Variants in LAMA2 observed in about 807,000 individuals in gnomAD.
LAMA2 encodes the protein laminin subunit alpha-2.
In LAMA2, 269 loss-of-function variants were observed where a neutral mutation model predicts 364.8. The ratio of observed to expected loss-of-function variants is 0.74; its 90% CI spans 0.67 to 0.82. LAMA2 has a LOEUF of 0.82. Ranked by LOEUF, LAMA2 falls within the 40% of genes least tolerant of loss-of-function variation. LAMA2 has a pLI of 0.00. For missense variants in LAMA2, 3,807 were observed against 3,873.2 expected (o/e 0.98, Z 0.45); for synonymous variants, 1,379 against 1,370.6 (o/e 1.01, Z -0.14).
chr6:129,156,524 T>C (rs67561065), intron 8 of LAMA2, among the ~76,000 whole-genome samples: 29,613 of 127,716 alleles, frequency 0.23, 3,651 homozygotes, highest in African/African-American at 0.43. Context: ...CCTTAATTTC[T>C]TTTTTTTTTT....
At chr6:129,368,708 A>T (rs1159789190) in intron 33 of LAMA2, among the ~76,000 whole-genome samples, 1 of 152,206 alleles carries the variant, frequency 6.6e-6, no homozygotes, top group Admixed American at 6.5e-5. Flanking sequence ...CTGGCTGGAT[A>T]TTGATCCAGA....
intron 20 of LAMA2, among the ~76,000 whole-genome samples, chr6:129,295,763 A>G (rs987761470): frequency 1.3e-5 from 2 of 149,786 alleles, no homozygotes; most frequent in Non-Finnish European, 3.0e-5. Context: ...GTGTGGATAT[A>G]TAGATGTAAA....
intron 10 of LAMA2, among the ~76,000 whole-genome samples, chr6:129,178,676 TAAAG>T (rs1780754795): frequency 6.6e-6 from 1 of 152,142 alleles, no homozygotes; most frequent in Admixed American, 6.5e-5. Context: ...TATTTTCAAT[TAAAG>T]AGGGACCCTT....
chr6:129,357,133 A>G (rs531292351), intron 32 of LAMA2, among the ~76,000 whole-genome samples: 2 of 152,218 alleles, frequency 1.3e-5, no homozygotes, highest in East Asian at 1.9e-4. Context: ...TAAAATGAGA[A>G]CAACTAACCT....
chr6:129,220,419 T>C (rs1335408306), intron 12 of LAMA2, among the ~76,000 whole-genome samples: 1 of 152,190 alleles, frequency 6.6e-6, no homozygotes, highest in Non-Finnish European at 1.5e-5. Context: ...AAGTGAGGAA[T>C]TAACTGCCTT....
intron 13 of LAMA2, among the ~76,000 whole-genome samples, 157 bp from the exon 14 acceptor site, chr6:129,251,927 T>G (rs1562380309): frequency 1.3e-5 from 2 of 151,924 alleles, no homozygotes; most frequent in Admixed American, 1.3e-4. Flanking sequence ...AGAGCGAGAC[T>G]CTGTCTCCAA....
At chr6:129,417,782 G>A (rs1461588505) in intron 40 of LAMA2, among the ~76,000 whole-genome samples, 3 of 152,166 alleles carry the variant, frequency 2.0e-5, no homozygotes, top group Non-Finnish European at 4.4e-5. Context: ...AAGATAGTAG[G>A]GGGCTAGAGT....
At chr6:128,978,999 A>G (rs1782697979) in intron 1 of LAMA2, among the ~76,000 whole-genome samples, 1 of 152,158 alleles carries the variant, frequency 6.6e-6, no homozygotes, top group Non-Finnish European at 1.5e-5. Flanking sequence ...TGAGGAAGGG[A>G]TCAGAGCATG....
intron 4 of LAMA2, among the ~76,000 whole-genome samples, chr6:129,104,368 T>C (rs967662701): frequency 6.6e-6 from 1 of 152,196 alleles, no homozygotes; most frequent in African/African-American, 2.4e-5. Context: ...GTCTCAATTG[T>C]TACACACTAG....
At chr6:129,299,489 A>G (rs1470443837) in intron 21 of LAMA2, among the ~76,000 whole-genome samples, 2 of 152,106 alleles carry the variant, frequency 1.3e-5, no homozygotes, top group African/African-American at 4.8e-5. Context: ...AAAACTAGCT[A>G]ATTACTCAGG....
intron 1 of LAMA2, among the ~76,000 whole-genome samples, chr6:128,885,217 T>C (rs1050116660): frequency 2.0e-5 from 3 of 152,166 alleles, no homozygotes; most frequent in African/African-American, 7.2e-5. Context: ...TATCTGGAGG[T>C]TGGCTCAAGG....
At chr6:128,913,481 T>C (rs1453155669) in intron 1 of LAMA2, among the ~76,000 whole-genome samples, 1 of 152,240 alleles carries the variant, frequency 6.6e-6, no homozygotes, top group African/African-American at 2.4e-5. Flanking sequence ...GCTATAACTT[T>C]GCTTCATTGT....
At chr6:129,228,682 A>G (rs1784487460) in intron 12 of LAMA2, among the ~76,000 whole-genome samples, 1 of 152,210 alleles carries the variant, frequency 6.6e-6, no homozygotes. Flanking sequence ...AATATTGTAA[A>G]ACCAAACTCT....
chr6:129,179,908 C>T (rs1460586121), intron 10 of LAMA2, among the ~76,000 whole-genome samples: 3 of 152,040 alleles, frequency 2.0e-5, no homozygotes, highest in African/African-American at 7.2e-5. Context: ...CAATATGCCA[C>T]GATGAGTTAT....
intron 1 of LAMA2, among the ~76,000 whole-genome samples, chr6:129,042,675 C>T (rs896252043): frequency 1.3e-5 from 2 of 152,174 alleles, no homozygotes; most frequent in Non-Finnish European, 2.9e-5. Context: ...CAGTCTCTGC[C>T]CCCAAGCTCC....
chr6:129,347,921 C>T (rs1164113126), intron 30 of LAMA2, among the ~76,000 whole-genome samples: 1 of 152,142 alleles, frequency 6.6e-6, no homozygotes, highest in East Asian at 1.9e-4. Context: ...TTTTTATTGA[C>T]ATTTCATTAT....
intron 12 of LAMA2, among the ~76,000 whole-genome samples, chr6:129,223,146 G>C (rs886895974): frequency 2.0e-5 from 3 of 152,186 alleles, no homozygotes; most frequent in African/African-American, 7.2e-5. Context: ...GTCTTCTTTT[G>C]AGAAGTGTCT....
At chr6:129,016,309 A>G (rs6900119) in intron 1 of LAMA2, among the ~76,000 whole-genome samples, 3,751 of 152,142 alleles carry the variant, frequency 0.025, 142 homozygotes, top group African/African-American at 0.086. Context: ...TGCCTACTCT[A>G]TGATGTTGCA....
intron 58 of LAMA2, among the ~76,000 whole-genome samples, chr6:129,497,341 G>A (rs535636435): frequency 2.8e-4 from 43 of 152,084 alleles, no homozygotes; most frequent in African/African-American, 9.9e-4. Context: ...AGGCTCAGGC[G>A]ATCCTCATGC....
Sources: allele counts gnomAD v4.1 joint callset (sites outside exome capture counted in the v4.1 genomes callset), GRCh38; gene constraint gnomAD v4.1.1; transcripts MANE v1.5; gene names NCBI Gene and HGNC (gene_info 2026-07-23, HGNC 2026-07-21).